PTPN4: variants seen among roughly 807,000 people sequenced by gnomAD.
The protein encoded by PTPN4 is tyrosine-protein phosphatase non-receptor type 4.
Under a neutral mutation model 135.5 loss-of-function variants are expected in PTPN4, and 49 were observed. That is an observed-to-expected ratio of 0.36 (90% CI 0.29 to 0.46). The LOEUF (loss-of-function observed/expected upper bound fraction) is 0.46. Among genes scored for constraint, PTPN4 ranks in the 20% least tolerant of loss-of-function variants. PTPN4 has a pLI of 1.00. For synonymous variants in PTPN4, 333 were observed against 369.9 expected (o/e 0.90, Z 1.14); for missense variants, 860 against 1,101.0 (o/e 0.78, Z 3.10).
In PTPN4 at chr2:119,960,857, G is replaced by A. The variant is rs1442097307; in HGVS notation, c.2184G>A (p.Gly728=). 6.2e-7 allele frequency: 1 copy of A among 1,613,698 alleles called. No homozygotes were observed. The highest frequency in any genetic ancestry group is 1.3e-5 in the African/African-American group (1 of 74,974). Residue 728 remains glycine, a synonymous_variant, in exon 23 of 27, where the codon GGG becomes GGA. Transcript: ENST00000263708. The part of the protein sequence containing the change: ...SIINQYIACQ[G]PLPHTCTDFW... ...TAAATCAGTACATTGCTTGTCAAGG[G>A]CCATTACCACACACTTGTACAGATT...
In PTPN4 at chr2:119,977,175, A is replaced by G; in HGVS notation, c.*105A>G. 7.2e-7 allele frequency: 1 copy of G among 1,392,066 alleles called. No homozygotes were observed. Among genetic ancestry groups the G allele is most frequent in the Non-Finnish European group, 9.3e-7 (1 of 1,070,458 alleles). 86.2% of individuals were successfully genotyped at this position (1,392,066 alleles called of 1,614,324 possible). A position where few individuals can be genotyped will look rare whatever the true frequency, so the allele number is the denominator to read the frequency against. On this transcript the variant is annotated 3_prime_UTR_variant, in exon 27 of 27. Coordinates refer to ENST00000263708, the MANE Select transcript of PTPN4 (RefSeq NM_002830.4). Reference sequence around the variant, plus strand: ...ATGGCATTTTACAAAAAAAAAATGAAGAACTCAAAAAAACTTTGAAAACTT... The same window carrying G: ...ATGGCATTTTACAAAAAAAAAATGAGGAACTCAAAAAAACTTTGAAAACTT...
chr2:119,865,956 G>A (rs567013284), intron 3 of PTPN4, among the ~76,000 whole-genome samples: 6 of 152,000 alleles, frequency 3.9e-5, no homozygotes, highest in African/African-American at 1.2e-4. Flanking sequence ...ATCTTCCCTG[G>A]TAATGAGTTC....
At chr2:119,930,499 T>A (rs959812821) in intron 13 of PTPN4, among the ~76,000 whole-genome samples, 1 of 152,152 alleles carries the variant, frequency 6.6e-6, no homozygotes, top group Admixed American at 6.5e-5. Context: ...TGGGTCATAT[T>A]ATGCTAATAA....
chr2:119,776,707 T>G (rs2104925123), intron 1 of PTPN4, among the ~76,000 whole-genome samples: 1 of 152,358 alleles, frequency 6.6e-6, no homozygotes, highest in Middle Eastern at 3.4e-3. Context: ...CACTTGCACT[T>G]AATGAATAGT....
In PTPN4 at chr2:119,946,405, G is replaced by A. The variant is rs376886841; in HGVS notation, c.1580G>A (p.Arg527Lys). 12 of 1,610,608 alleles carry A rather than the reference G, an allele frequency of 7.5e-6. No homozygotes were observed. The highest frequency in any genetic ancestry group is 1.0e-5 in the Non-Finnish European group (12 of 1,177,960). ...LIRMKPDENG[R>K]FGFNVKGGYD... ...AGAATGAAACCTGATGAAAATGGGA[G>A]GTTTGGATTCAATGTAAAGGTAATC... The change falls in exon 17 of 27, where the codon AGG (arginine) becomes AAG (lysine). Residue 527 changes from arginine (R) to lysine (K), a missense_variant. By Grantham distance (26) the Arg-to-Lys change is conservative. Coordinates refer to ENST00000263708, the MANE Select transcript of PTPN4 (RefSeq NM_002830.4).
chr2:119,968,557 C>T (rs566610001), intron 26 of PTPN4, among the ~76,000 whole-genome samples: 21 of 152,166 alleles, frequency 1.4e-4, no homozygotes, highest in African/African-American at 5.1e-4. Flanking sequence ...TTTGGGAGGC[C>T]GAGGCGGGCG....
chr2:119,858,267 G>A (rs1430220846), intron 2 of PTPN4, among the ~76,000 whole-genome samples: 1 of 152,132 alleles, frequency 6.6e-6, no homozygotes, highest in East Asian at 1.9e-4. Flanking sequence ...TGGCCTTCTT[G>A]GTTGCAGATG....
intron 1 of PTPN4, among the ~76,000 whole-genome samples, chr2:119,781,661 G>C (rs1474675802): frequency 6.6e-6 from 1 of 152,074 alleles, no homozygotes; most frequent in East Asian, 1.9e-4. Flanking sequence ...TGCTTTTTAA[G>C]TTTTTAAGTT....
chr2:119,919,966 A>G (rs1288776880), intron 11 of PTPN4, 103 bp from the exon 12 acceptor site: 3 of 1,435,176 alleles, frequency 2.1e-6, no homozygotes, highest in Admixed American at 2.6e-5. Flanking sequence ...TAACAAGTTC[A>G]TGTTTACAAG....
In PTPN4 at chr2:119,934,978, GC is replaced by G. The variant is rs1678960792; in HGVS notation, c.1355+21del. On this transcript the variant is annotated intron_variant, in intron 15 of 26. Transcript: ENST00000263708. ...ATCACCGTAAGAGCTTTTTTATTTT[GC>G]TTCCTCTGTATTTTCAAATGCCCCA... The G allele has an allele frequency of 3.1e-6, 5 of 1,587,300 alleles. No individual in the cohort carries two copies. Among genetic ancestry groups the G allele is most frequent in the Non-Finnish European group, 4.3e-6 (5 of 1,164,782 alleles).
rs1269774704 is a variant in PTPN4 at position 119,831,332 on chromosome 2, T to C, written c.138+21341T>C. Among the ~76,000 whole-genome samples the C allele has an allele frequency of 3.9e-5, 6 of 152,292 alleles. No individual in the cohort carries two copies. The East Asian group carries it at 9.6e-4, about 24-fold the overall frequency. Reference sequence around the variant, plus strand: ...ACTGATACTGGTTATGGCTTAGGGGTTGGGGACACCTACAATAATTCATTT... The same window carrying C: ...ACTGATACTGGTTATGGCTTAGGGGCTGGGGACACCTACAATAATTCATTT... On this transcript the variant is annotated intron_variant, in intron 2 of 26. Transcript: ENST00000263708.
intron 1 of PTPN4, among the ~76,000 whole-genome samples, chr2:119,775,096 GAAAAAAAAAAAAAA>G (rs35234122): frequency 0.42 from 29,107 of 69,366 alleles, 3,969 homozygotes; most frequent in South Asian, 0.59. Context: ...GCCCTATTCT[GAAAAAAAAAAAAAA>G]AAAAAAAAAA....
intron 26 of PTPN4, 110 bp downstream of exon 26, chr2:119,968,082 C>A: frequency 2.1e-6 from 2 of 966,566 alleles, no homozygotes; most frequent in Non-Finnish European, 2.9e-6. Flanking sequence ...CAATTCCTTG[C>A]CATGGTCAAA....
chr2:119,892,673 C>T (rs1403923283), intron 9 of PTPN4, among the ~76,000 whole-genome samples: 5 of 151,198 alleles, frequency 3.3e-5, no homozygotes, highest in East Asian at 1.9e-4. Context: ...AGTATTAGGG[C>T]ATGAGATCAA....
chr2:119,871,293 G>C (rs970640890), intron 3 of PTPN4, among the ~76,000 whole-genome samples: 3 of 151,744 alleles, frequency 2.0e-5, no homozygotes, highest in Non-Finnish European at 4.4e-5. Flanking sequence ...GCAGATGGCA[G>C]CATATATCAA....
chr2:119,796,926 A>G (rs2104939726), intron 1 of PTPN4, among the ~76,000 whole-genome samples: 1 of 151,748 alleles, frequency 6.6e-6, no homozygotes, highest in African/African-American at 2.4e-5. Flanking sequence ...AGGTAGTGAT[A>G]TCGCATGGTT....
chr2:119,789,117 A>ATC (rs1558725916), intron 1 of PTPN4, among the ~76,000 whole-genome samples: 1 of 150,610 alleles, frequency 6.6e-6, no homozygotes, highest in Non-Finnish European at 1.5e-5. Context: ...AGTAGTAACC[A>ATC]TCTAAATAAG....
At chr2:119,795,305 C>T in intron 1 of PTPN4, among the ~76,000 whole-genome samples, 1 of 152,200 alleles carries the variant, frequency 6.6e-6, no homozygotes, top group Non-Finnish European at 1.5e-5. Flanking sequence ...GAAGGTGGGG[C>T]TTTACCGGGG....
At chr2:119,973,448 G>C (rs1679565418) in intron 26 of PTPN4, among the ~76,000 whole-genome samples, 1 of 151,860 alleles carries the variant, frequency 6.6e-6, no homozygotes, top group African/African-American at 2.4e-5. Flanking sequence ...TAAGAATATG[G>C]GTGTATAAAG....
Sources: gnomAD v4.1 joint callset for allele counts (sites outside exome capture counted in the v4.1 genomes callset) on GRCh38, gnomAD v4.1.1 for gene constraint, MANE v1.5 for transcripts, NCBI Gene and HGNC (gene_info 2026-07-23, HGNC 2026-07-21) for gene names.